The following LRRC49 variants were observed in gnomAD, a reference collection of about 807,000 sequenced individuals.
LRRC49 encodes leucine-rich repeat-containing protein 49.
A neutral mutation model predicts 83.3 loss-of-function variants in LRRC49; 50 were observed. That is an observed-to-expected ratio of 0.60 (90% CI 0.48 to 0.76). The LOEUF (loss-of-function observed/expected upper bound fraction) is 0.76, where lower values mean the gene tolerates loss of function less well. Ranked by LOEUF, LRRC49 falls within the 30% of genes least tolerant of loss-of-function variation. The pLI is 0.00. For synonymous variants in LRRC49, 286 were observed against 283.3 expected (o/e 1.01, Z -0.10); for missense variants, 704 against 809.1 (o/e 0.87, Z 1.58).
chr15:71,011,083 G>A (rs953900746), intron 13 of LRRC49, among the ~76,000 whole-genome samples: 4 of 152,108 alleles, frequency 2.6e-5, no homozygotes, highest in African/African-American at 9.7e-5. Flanking sequence ...TGCTGAAGAT[G>A]TTGGGTAAAT....
Position 70,984,113 on chromosome 15 carries a change from T to G in LRRC49, c.1025T>G (p.Ile342Ser). The G allele has an allele frequency of 1.2e-6, 2 of 1,611,888 alleles. No individual in the cohort carries two copies. Among genetic ancestry groups the G allele is most frequent in the Non-Finnish European group, 1.7e-6 (2 of 1,179,212 alleles). ...TCATAGGAGAAGAAAAGGTTAACAA[T>G]TAACAACGTAGCTCGACAGTGGGAC... ...SLLKEKKRLTINNVARQWDLQ... is the reference protein window; with the variant it reads ...SLLKEKKRLTSNNVARQWDLQ... The change falls in exon 11 of 16, where the codon ATT becomes AGT. Residue 342 changes from isoleucine to serine, a missense_variant. Physicochemically the swap from Ile to Ser is moderately radical, Grantham distance 142. Around this residue, in one of 3 missense-constraint regions of LRRC49, gnomAD observed 168 missense variants for 140.6 expected, o/e 1.20. Transcript: ENST00000260382.
chr15:70,973,045 A>G (rs549433141), intron 9 of LRRC49, among the ~76,000 whole-genome samples: 1 of 152,096 alleles, frequency 6.6e-6, no homozygotes, highest in African/African-American at 2.4e-5. Flanking sequence ...AGGAGTTGTG[A>G]TCCTTTGGAG....
chr15:70,963,808 C>A lies in LRRC49; in HGVS notation c.797C>A (p.Ala266Asp). 1 of 1,613,480 alleles carries A rather than the reference C, an allele frequency of 6.2e-7. No homozygotes were observed. Among genetic ancestry groups the A allele is most frequent in the Non-Finnish European group, 8.5e-7 (1 of 1,179,560 alleles). The change falls in exon 9 of 16, where the codon GCT becomes GAT. Residue 266 changes from alanine to aspartate, a missense_variant. Physicochemically the swap from Ala to Asp is moderately radical, Grantham distance 126. Coordinates refer to ENST00000260382, the MANE Select transcript of LRRC49 (RefSeq NM_017691.5). ...ISSFDSVSCLADSSSLSDITF... is the reference protein window; with the variant it reads ...ISSFDSVSCLDDSSSLSDITF... The stretch of plus-strand genomic sequence containing the variant: ...AGTTTTGACAGTGTTTCCTGCCTTG[C>A]TGACTCTTCTTCCCTCTCGGACATC...
At chr15:70,879,129 C>T (rs1010463235) in intron 2 of LRRC49, among the ~76,000 whole-genome samples, 3 of 152,196 alleles carry the variant, frequency 2.0e-5, no homozygotes, top group East Asian at 1.9e-4. Flanking sequence ...CAGATATAGG[C>T]GCTTCAGACT....
upstream of LRRC49, chr15:70,891,820 C>T (rs1181553828): frequency 2.0e-6 from 3 of 1,527,026 alleles, no homozygotes; most frequent in Middle Eastern, 2.0e-4. Flanking sequence ...GGTCCTTACA[C>T]AACCTTCGGT....
At chr15:70,974,869 A>G (rs560764679) in intron 9 of LRRC49, among the ~76,000 whole-genome samples, 3 of 152,348 alleles carry the variant, frequency 2.0e-5, no homozygotes, top group African/African-American at 7.2e-5. Context: ...ATTTAACAAC[A>G]TAAAAAATAG....
chr15:70,855,978 A>C (rs2032644704), intron 1 of LRRC49, among the ~76,000 whole-genome samples: 1 of 152,192 alleles, frequency 6.6e-6, no homozygotes, highest in Admixed American at 6.5e-5. Context: ...AATTTCACAA[A>C]GTGATACCCA....
chr15:71,008,516 A>C lies in LRRC49; in HGVS notation c.1307A>C (p.Gln436Pro), dbSNP rs765063156. The part of the protein sequence containing the change: ...LESLDRNWSV[Q>P]TAGMITTVSF... Reference sequence around the variant, plus strand: ...TCTCTGGATAGGAATTGGAGTGTTCAAACAGCAGGAATGATCACAACAGTC... The same window carrying C: ...TCTCTGGATAGGAATTGGAGTGTTCCAACAGCAGGAATGATCACAACAGTC... The change falls in exon 12 of 16, where the codon CAA becomes CCA. Residue 436 changes from glutamine (Q) to proline (P), a missense_variant. Coordinates refer to ENST00000260382, the MANE Select transcript of LRRC49 (RefSeq NM_017691.5). 18 of 1,612,754 alleles carry C rather than the reference A, an allele frequency of 1.1e-5. No individual in the cohort carries two copies. The highest frequency in any genetic ancestry group is 2.7e-5 in the African/African-American group (2 of 74,876).
chr15:70,920,433 G>C (rs2034965686), intron 7 of LRRC49, among the ~76,000 whole-genome samples: 1 of 152,126 alleles, frequency 6.6e-6, no homozygotes, highest in Admixed American at 6.5e-5. Context: ...ACTGGAACTG[G>C]ACTGTTTATT....
chr15:70,972,332 A>G (rs1038556284), intron 9 of LRRC49, among the ~76,000 whole-genome samples: 3 of 152,194 alleles, frequency 2.0e-5, no homozygotes, highest in African/African-American at 7.2e-5. Context: ...TCTGGCTTGT[A>G]GGGTTTCTGC....
chr15:71,006,792 C>G (rs921447001), intron 11 of LRRC49, among the ~76,000 whole-genome samples: 9 of 152,076 alleles, frequency 5.9e-5, no homozygotes, highest in Non-Finnish European at 1.2e-4. Context: ...GCAGTATGCA[C>G]TCTTTTCATC....
upstream of LRRC49, chr15:70,891,917 C>T (rs1257146950): frequency 6.2e-7 from 1 of 1,613,660 alleles, no homozygotes; most frequent in African/African-American, 1.3e-5. Context: ...CTCAGAATGC[C>T]TGGCTGCCTG....
At chr15:70,940,426 T>A (rs565306247) in intron 8 of LRRC49, among the ~76,000 whole-genome samples, 1 of 152,148 alleles carries the variant, frequency 6.6e-6, no homozygotes, top group Admixed American at 6.5e-5. Flanking sequence ...CCGGCTAATT[T>A]TTTTGTGTGT....
rs759633903 is a variant in LRRC49 at position 70,904,564 on chromosome 15, C to A, written c.309C>A (p.Thr103=). 1 of 1,611,752 alleles carries A rather than the reference C, an allele frequency of 6.2e-7. No homozygotes were observed. The highest frequency in any genetic ancestry group is 8.5e-7 in the Non-Finnish European group (1 of 1,178,162). The change falls in exon 5 of 16, where the codon ACC becomes ACA. Residue 103 remains threonine, a synonymous_variant. Transcript: ENST00000260382. ...ACATTTTTTCTAGACAAAAGCTGAC[C>A]GTATGTCCTATCATCAATGGGGAAG... ...DRLSLERQKL[T]VCPIINGEDH...
chr15:71,032,309 C>T (rs1379142967), intron 14 of LRRC49, among the ~76,000 whole-genome samples: 1 of 152,128 alleles, frequency 6.6e-6, no homozygotes, highest in African/African-American at 2.4e-5. Context: ...GGGTTGGACC[C>T]ATTGCCTAAC....
intron 2 of LRRC49, among the ~76,000 whole-genome samples, chr15:70,879,561 C>T (rs1335734312): frequency 2.6e-5 from 4 of 152,186 alleles, no homozygotes; most frequent in Non-Finnish European, 4.4e-5. Context: ...GGCTTGCAAC[C>T]GTTGTTTTAT....
intron 11 of LRRC49, among the ~76,000 whole-genome samples, chr15:71,000,757 G>A (rs1043774842): frequency 7.9e-5 from 12 of 151,956 alleles, no homozygotes; most frequent in African/African-American, 2.7e-4. Flanking sequence ...GCCTGTCTCC[G>A]TGATCTAATT....
chr15:70,859,821 A>G, intron 1 of LRRC49: 1 of 759,148 alleles, frequency 1.3e-6, no homozygotes. Context: ...ATGGTGTGGC[A>G]GCTGCGTGAG....
intron 1 of LRRC49, chr15:70,859,573 G>A: frequency 1.5e-6 from 1 of 662,966 alleles, no homozygotes; most frequent in South Asian, 1.4e-5. Flanking sequence ...TCAAGTATGA[G>A]GAGCTGCAGA....
Sources: allele counts gnomAD v4.1 joint callset (sites outside exome capture counted in the v4.1 genomes callset), GRCh38; gene constraint gnomAD v4.1.1; regional missense constraint gnomAD v4.1.1; transcripts MANE v1.5; gene names NCBI Gene and HGNC (gene_info 2026-07-23, HGNC 2026-07-21).